FAM174B: variants seen among roughly 807,000 people sequenced by gnomAD.
FAM174B encodes membrane protein FAM174B.
Under a neutral mutation model 10.9 loss-of-function variants are expected in FAM174B, and 12 were observed. The observed-to-expected ratio is 1.10, with a 90% CI of 0.71 to 1.79. The LOEUF is 1.79. Ranked by LOEUF, FAM174B falls within the 40% of genes most tolerant of loss-of-function variation. The pLI is 0.00. For synonymous variants in FAM174B, 132 were observed against 115.8 expected, an observed-to-expected ratio of 1.14 and a Z score of -0.90; for missense variants, 266 against 233.3, an observed-to-expected ratio of 1.14 and a Z score of -0.91.
chr15:92,621,682 AAAAG>A (rs1194939576), intron 2 of FAM174B, among the ~76,000 whole-genome samples: 2 of 152,070 alleles, frequency 1.3e-5, no homozygotes, highest in African/African-American at 2.4e-5. Flanking sequence ...GAGAAAGAGA[AAAAG>A]AAATCTCCAG....
At chr15:92,635,021 G>T (rs1441132098) in intron 1 of FAM174B, among the ~76,000 whole-genome samples, 1 of 151,896 alleles carries the variant, frequency 6.6e-6, no homozygotes, top group African/African-American at 2.4e-5. Context: ...AGCCCTCCTG[G>T]GTCTCCAGCT....
chr15:92,633,548 A>G (rs1420295145), intron 1 of FAM174B, among the ~76,000 whole-genome samples: 1 of 151,882 alleles, frequency 6.6e-6, no homozygotes, highest in Non-Finnish European at 1.5e-5. Flanking sequence ...TGCTTTCATC[A>G]CCGGTATACA....
chr15:92,646,936 T>C (rs1454928383), intron 1 of FAM174B, among the ~76,000 whole-genome samples: 1 of 152,194 alleles, frequency 6.6e-6, no homozygotes, highest in Non-Finnish European at 1.5e-5. Context: ...AACTAAGCTG[T>C]ACCCCAACCA....
intron 1 of FAM174B, among the ~76,000 whole-genome samples, chr15:92,638,534 A>G (rs977622111): frequency 6.6e-6 from 1 of 152,202 alleles, no homozygotes; most frequent in Non-Finnish European, 1.5e-5. Flanking sequence ...CTTTAGACTC[A>G]GTTCAGTTTT....
intron 1 of FAM174B, 93 bp downstream of exon 1, chr15:92,655,223 T>C: frequency 7.0e-7 from 1 of 1,434,576 alleles, no homozygotes. Flanking sequence ...CCAGGGCACC[T>C]GTGCGTGCAG....
chr15:92,619,706 C>T (rs1044741357), intron 2 of FAM174B: 1 of 574,066 alleles, frequency 1.7e-6, no homozygotes, highest in Non-Finnish European at 3.1e-6. Flanking sequence ...TAGAACACAA[C>T]CTCTTTCTCC....
chr15:92,648,158 T>A (rs1418702294), intron 1 of FAM174B, among the ~76,000 whole-genome samples: 1 of 152,162 alleles, frequency 6.6e-6, no homozygotes, highest in Admixed American at 6.5e-5. Flanking sequence ...GTAACTTCTA[T>A]CTCCCTAAAA....
intron 2 of FAM174B, among the ~76,000 whole-genome samples, chr15:92,628,338 C>CTTTTTTTTTTT: frequency 1.2e-5 from 1 of 84,918 alleles, no homozygotes; most frequent in Non-Finnish European, 2.1e-5. Context: ...CTAATTTTTG[C>CTTTTTTTTTTT]TTTTTTTTTT....
intron 1 of FAM174B, among the ~76,000 whole-genome samples, chr15:92,651,016 C>CA (rs1306430590): frequency 6.6e-6 from 1 of 152,192 alleles, no homozygotes; most frequent in Non-Finnish European, 1.5e-5. Flanking sequence ...CGTGATTCTA[C>CA]AGATGGGGAA....
At chr15:92,624,717 C>A (rs1449164565) in intron 2 of FAM174B, among the ~76,000 whole-genome samples, 3 of 152,236 alleles carry the variant, frequency 2.0e-5, no homozygotes, top group African/African-American at 4.8e-5. Context: ...AATGAACGTC[C>A]ACACCCCCAC....
At position 92,631,482 on chromosome 15, in the gene FAM174B, T is replaced by TTATA. The variant is rs71156650; in HGVS notation, c.345-1141_345-1138dup. 6.7e-3 allele frequency among the ~76,000 whole-genome samples: 374 copies of TTATA among 56,210 alleles called. 20 individuals carry two copies. The highest frequency in any genetic ancestry group is 0.016 in the African/African-American group (175 of 11,120). 36.9% of individuals were successfully genotyped at this position (56,210 alleles called of 152,430 possible). ...TATATTATATATAATTTATAATATA[T>TTATA]TATATATATATATAATTCTTTTTTT... On this transcript the variant is annotated intron_variant, in intron 1 of 2. Transcript: ENST00000327355.
At chr15:92,653,596 C>T (rs894782665) in intron 1 of FAM174B, among the ~76,000 whole-genome samples, 1 of 152,248 alleles carries the variant, frequency 6.6e-6, no homozygotes, top group African/African-American at 2.4e-5. Flanking sequence ...CAAGGGCCCT[C>T]TGCTGAGTGC....
At chr15:92,640,636 G>A (rs1303926664) in intron 1 of FAM174B, among the ~76,000 whole-genome samples, 1 of 147,434 alleles carries the variant, frequency 6.8e-6, no homozygotes, top group Non-Finnish European at 1.5e-5. Context: ...CATAAATTTT[G>A]GTTTTTGTTT....
chr15:92,643,343 A>ACTGTGTGTGTGTGTGT (rs1309760071), intron 1 of FAM174B, among the ~76,000 whole-genome samples: 1 of 17,884 alleles, frequency 5.6e-5, no homozygotes. Context: ...ATAGGGAAGG[A>ACTGTGTGTGTGTGTGT]ATGTGTGTGT....
At chr15:92,650,435 G>A (rs2050958601) in intron 1 of FAM174B, among the ~76,000 whole-genome samples, 1 of 152,224 alleles carries the variant, frequency 6.6e-6, no homozygotes, top group Non-Finnish European at 1.5e-5. Flanking sequence ...AGATTTTGAA[G>A]TAAGAAGTGG....
At chr15:92,630,073 G>A (rs1596296167) in intron 2 of FAM174B, 141 bp downstream of exon 2, 1 of 680,564 alleles carries the variant, frequency 1.5e-6, no homozygotes, top group East Asian at 2.6e-5. Context: ...CAAGATCAGA[G>A]CAGGTCTCTC....
chr15:92,630,915 T>C (rs187842514), intron 1 of FAM174B, among the ~76,000 whole-genome samples: 2,428 of 28,610 alleles, frequency 0.085, 494 homozygotes, highest in Non-Finnish European at 0.17. Flanking sequence ...TTATATATTA[T>C]ATATTACGTA....
intron 1 of FAM174B, among the ~76,000 whole-genome samples, chr15:92,646,543 G>A (rs1167460809): frequency 6.6e-6 from 1 of 152,152 alleles, no homozygotes; most frequent in Non-Finnish European, 1.5e-5. Flanking sequence ...CAGTGCCAAA[G>A]CTAACCCGAA....
intron 1 of FAM174B, among the ~76,000 whole-genome samples, chr15:92,642,159 A>C (rs2050895998): frequency 6.6e-6 from 1 of 152,260 alleles, no homozygotes; most frequent in South Asian, 2.1e-4. Context: ...AAAGACAGAC[A>C]ATAACAAATG....
Sources: gnomAD v4.1 joint callset for allele counts (sites outside exome capture counted in the v4.1 genomes callset) on GRCh38, gnomAD v4.1.1 for gene constraint, MANE v1.5 for transcripts, NCBI Gene and HGNC (gene_info 2026-07-23, HGNC 2026-07-21) for gene names.